The following MICAL2 variants were observed in gnomAD, a reference collection of about 807,000 sequenced individuals.
MICAL2 encodes [F-actin]-monooxygenase MICAL2.
Under a neutral mutation model 127.3 loss-of-function variants are expected in MICAL2, and 77 were observed. The observed-to-expected ratio is 0.60, with a 90% CI of 0.50 to 0.73. The LOEUF (loss-of-function observed/expected upper bound fraction) is 0.73, where lower values mean the gene tolerates loss of function less well. Ranked by LOEUF, MICAL2 falls within the 30% of genes least tolerant of loss-of-function variation. MICAL2 has a pLI of 0.00. For missense variants in MICAL2, 1,351 were observed against 1,434.4 expected, an observed-to-expected ratio of 0.94 and a Z score of 0.94; for synonymous variants, 570 against 551.1, an observed-to-expected ratio of 1.03 and a Z score of -0.48.
At chr11:12,350,954 C>A (rs1287569699) in intron 33 of MICAL2, among the ~76,000 whole-genome samples, 1 of 152,146 alleles carries the variant, frequency 6.6e-6, no homozygotes, top group African/African-American at 2.4e-5. Flanking sequence ...TGGCTCCAGG[C>A]TTTCCTGAGT....
At chr11:12,266,362 CT>C (rs1163072555), downstream of MICAL2, among the ~76,000 whole-genome samples, 1 of 152,066 alleles carries the variant, frequency 6.6e-6, no homozygotes, top group East Asian at 1.9e-4. Flanking sequence ...ATCTGTGCAA[CT>C]TGAATGTGTA....
chr11:12,256,669 A>T, intron 23 of MICAL2, 116 bp from the exon 24 acceptor site: 1 of 978,418 alleles, frequency 1.0e-6, no homozygotes, highest in Admixed American at 2.8e-5. Flanking sequence ...CAGTAGCAGG[A>T]AGCAGAAGCC....
chr11:12,191,403 C>T (rs12294592), intron 3 of MICAL2, among the ~76,000 whole-genome samples: 25,322 of 149,104 alleles, frequency 0.17, 2,268 homozygotes, highest in Admixed American at 0.2. Flanking sequence ...ACCTGGAAGG[C>T]GGAGGTTGCA....
chr11:12,257,209 G>T (rs182152921), intron 24 of MICAL2: 228 of 454,848 alleles, frequency 5.0e-4, no homozygotes, highest in African/African-American at 4.2e-3. Context: ...GTCCTGGTGG[G>T]CACCTGTGTG....
chr11:12,130,529 T>C (rs902300142), intron 1 of MICAL2, among the ~76,000 whole-genome samples: 2 of 152,204 alleles, frequency 1.3e-5, no homozygotes, highest in East Asian at 1.9e-4. Context: ...CTTGGAGTTG[T>C]TCCTTAAGCA....
At chr11:12,164,365 T>C (rs1169196390) in intron 3 of MICAL2, among the ~76,000 whole-genome samples, 4 of 152,186 alleles carry the variant, frequency 2.6e-5, no homozygotes, top group African/African-American at 9.7e-5. Context: ...GCCTGAATGC[T>C]GAGGACTGGA....
At chr11:12,149,775 A>G (rs1431329361) in intron 2 of MICAL2, among the ~76,000 whole-genome samples, 2 of 152,140 alleles carry the variant, frequency 1.3e-5, no homozygotes, top group Non-Finnish European at 2.9e-5. Context: ...AGAATGTCCA[A>G]CTGTTGGTGA....
chr11:12,236,099 C>T, intron 15 of MICAL2, 78 bp from the exon 16 acceptor site: 1 of 1,278,680 alleles, frequency 7.8e-7, no homozygotes. Context: ...AAAGCCAGCC[C>T]TATGCCCTCA....
At chr11:12,225,537 G>C (rs1857310635) in intron 13 of MICAL2, 1 of 152,392 alleles carries the variant, frequency 6.6e-6, no homozygotes, top group African/African-American at 2.4e-5. Context: ...GCCTGGGCTG[G>C]AGTGCAGTGA....
intron 2 of MICAL2, among the ~76,000 whole-genome samples, chr11:12,140,096 A>T (rs77255461): frequency 0.013 from 2,037 of 152,316 alleles, 45 homozygotes; most frequent in African/African-American, 0.046. Context: ...AATTTCCCCA[A>T]ATTACAGAGA....
At chr11:12,309,996 C>A (rs969014874) in intron 29 of MICAL2, among the ~76,000 whole-genome samples, 4 of 152,114 alleles carry the variant, frequency 2.6e-5, no homozygotes, top group African/African-American at 9.7e-5. Flanking sequence ...AATATCTATT[C>A]AGGCCTTTTG....
chr11:12,254,174 C>A (rs1471113564), intron 22 of MICAL2: 5 of 152,198 alleles, frequency 3.3e-5, no homozygotes, highest in South Asian at 2.1e-4. Flanking sequence ...GGGGCAGAGT[C>A]CAAATATGTA....
chr11:12,118,727 G>A (rs1316985603), intron 1 of MICAL2, among the ~76,000 whole-genome samples: 1 of 152,184 alleles, frequency 6.6e-6, no homozygotes, highest in East Asian at 1.9e-4. Context: ...CCTTGGGCGA[G>A]TTAATGAATC....
chr11:12,262,319 A>T (rs1383467048), intron 26 of MICAL2, 161 bp from the exon 27 acceptor site: 3 of 1,481,178 alleles, frequency 2.0e-6, no homozygotes, highest in Non-Finnish European at 2.7e-6. Flanking sequence ...ATCTCTCCTA[A>T]GCAAACAGCG....
intron 2 of MICAL2, among the ~76,000 whole-genome samples, chr11:12,149,887 A>G (rs1009091602): frequency 8.5e-5 from 13 of 152,200 alleles, no homozygotes; most frequent in Non-Finnish European, 1.5e-4. Context: ...GTTACGGTCC[A>G]TGACAGTGAA....
At chr11:12,354,867 C>A (rs556630863) in intron 34 of MICAL2, 1 of 1,612,594 alleles carries the variant, frequency 6.2e-7, no homozygotes, top group East Asian at 2.2e-5. Context: ...GGTGAGTATG[C>A]TTGGGCCTTT....
downstream of MICAL2, chr11:12,294,532 T>C (rs763070880): frequency 1.7e-5 from 27 of 1,614,130 alleles, no homozygotes; most frequent in Non-Finnish European, 2.3e-5. Context: ...GCAGCAAGAT[T>C]GAAGATGTCC....
intron 1 of MICAL2, among the ~76,000 whole-genome samples, chr11:12,124,348 CT>C (rs1478743384): frequency 6.6e-6 from 1 of 152,224 alleles, no homozygotes; most frequent in East Asian, 1.9e-4. Flanking sequence ...GAAGCCGCCC[CT>C]AGCCTAGTCT....
intron 2 of MICAL2, among the ~76,000 whole-genome samples, chr11:12,284,801 C>A (rs1370104614): frequency 6.6e-6 from 1 of 152,114 alleles, no homozygotes; most frequent in African/African-American, 2.4e-5. Flanking sequence ...GTGTGCCCAT[C>A]CATACAGGCT....
Sources: allele counts gnomAD v4.1 joint callset (sites outside exome capture counted in the v4.1 genomes callset), GRCh38; gene constraint gnomAD v4.1.1; transcripts MANE v1.5; gene names NCBI Gene and HGNC (gene_info 2026-07-23, HGNC 2026-07-21).